The following ATP6V0A2 variants were observed in gnomAD, a reference collection of about 807,000 sequenced individuals.
The protein encoded by ATP6V0A2 is ATPase H+ transporting V0 subunit a2, also known as V-type proton ATPase 116 kDa subunit a 2.
Under a neutral mutation model 104.4 loss-of-function variants are expected in ATP6V0A2, and 58 were observed. That is an observed-to-expected ratio of 0.56 (90% CI 0.45 to 0.69). ATP6V0A2 has a LOEUF of 0.69. ATP6V0A2 is among the 30% of genes least tolerant of loss of function. ATP6V0A2 has a pLI of 0.00. For missense variants in ATP6V0A2, 938 were observed against 1,062.9 expected (o/e 0.88, Z 1.63); for synonymous variants, 376 against 397.9 (o/e 0.95, Z 0.65).
At chr12:123,756,776 TA>T in intron 18 of ATP6V0A2, 38 bp from the exon 19 acceptor site, 1 of 1,611,730 alleles carries the variant, frequency 6.2e-7, no homozygotes, top group Non-Finnish European at 8.5e-7. Context: ...CCACTGTACA[TA>T]AGCGAGCATG....
chr12:123,744,590 T>C lies in ATP6V0A2; in HGVS notation c.1327-7T>C. 3 of 1,612,660 alleles carry C rather than the reference T, an allele frequency of 1.9e-6. No homozygotes were observed. Among genetic ancestry groups the C allele is most frequent in the Non-Finnish European group, 2.5e-6 (3 of 1,180,022 alleles). On this transcript the variant is annotated splice_region_variant and splice_polypyrimidine_tract_variant and intron_variant, in intron 11 of 19. Coordinates refer to ENST00000330342, the MANE Select transcript of ATP6V0A2 (RefSeq NM_012463.4). This position sits in a 1 kb window ranked among gnomAD's most constrained non-coding sequence, Gnocchi z 5.4. ...ACCATATTCTGCCCCCGCCTTGCCCTTCACAGATCATGAGGATGTTTTTTA... is the reference window on the plus strand; with the variant it reads ...ACCATATTCTGCCCCCGCCTTGCCCCTCACAGATCATGAGGATGTTTTTTA...
At chr12:123,738,064 A>G (rs1395791765) in intron 9 of ATP6V0A2, among the ~76,000 whole-genome samples, 1 of 152,212 alleles carries the variant, frequency 6.6e-6, no homozygotes, top group East Asian at 1.9e-4. Flanking sequence ...GTTGTCAGCT[A>G]TTGTATTTCT....
chr12:123,752,315 GGAA>G lies in ATP6V0A2; in HGVS notation c.2093_2095del (p.Glu698del). 1 of 1,614,166 alleles carries G rather than the reference GGAA, an allele frequency of 6.2e-7. No homozygotes were observed. The highest frequency in any genetic ancestry group is 8.5e-7 in the Non-Finnish European group (1 of 1,180,022). On this transcript the variant is annotated inframe_deletion, in exon 17 of 20. Transcript: ENST00000330342. ...ACACACTTATAAGGAAAGATAGTGA[GGAA>G]GAAGTTTCATTGCTGGGAAGCCAAG...
intron 1 of ATP6V0A2, among the ~76,000 whole-genome samples, chr12:123,717,698 C>T (rs997219616): frequency 1.3e-5 from 2 of 152,178 alleles, no homozygotes; most frequent in Middle Eastern, 6.8e-3. Context: ...CCCACCTCAG[C>T]CTCCCAAATT....
At chr12:123,745,070 G>A (rs972978130) in intron 13 of ATP6V0A2, 98 bp downstream of exon 13, 6 of 1,196,544 alleles carry the variant, frequency 5.0e-6, no homozygotes, top group Admixed American at 1.8e-5. Context: ...CAGGGTTCAC[G>A]CTGCCCTGAG....
intron 3 of ATP6V0A2, chr12:123,724,338 A>G: frequency 3.5e-6 from 1 of 288,960 alleles, no homozygotes; most frequent in Non-Finnish European, 6.7e-6. Context: ...AGCCTGGCCA[A>G]CATGGTGAAA....
At chr12:123,714,766 A>G (rs774070985) in intron 1 of ATP6V0A2, among the ~76,000 whole-genome samples, 1 of 152,190 alleles carries the variant, frequency 6.6e-6, no homozygotes, top group Non-Finnish European at 1.5e-5. Context: ...AAATTTATAA[A>G]AGAAACCACA....
chr12:123,751,149 T>C lies in ATP6V0A2; in HGVS notation c.1975T>C (p.Ser659Pro), dbSNP rs1956710054. The change falls in exon 16 of 20, where the codon TCT (serine) becomes CCT (proline). Residue 659 changes from serine (S) to proline (P), a missense_variant. Ser to Pro is a moderately conservative substitution (Grantham distance 74). Transcript: ENST00000330342. Reference sequence around the variant, plus strand: ...AGTGCTGCTGGTTGTCACAGCATTGTCTGTCCCTGTCCTCTTCTTGGGAAA... The same window carrying C: ...AGTGCTGCTGGTTGTCACAGCATTGCCTGTCCCTGTCCTCTTCTTGGGAAA... ...QRVLLVVTALSVPVLFLGKPL... is the reference protein window; with the variant it reads ...QRVLLVVTALPVPVLFLGKPL... The C allele has an allele frequency of 6.2e-7, 1 of 1,614,178 alleles. No individual in the cohort carries two copies. The highest frequency in any genetic ancestry group is 8.5e-7 in the Non-Finnish European group (1 of 1,180,026).
rs763991801 is a variant in ATP6V0A2, at chr12:123,733,935, A to G, written c.658A>G (p.Ile220Val). 48 of 1,612,774 alleles carry G rather than the reference A, an allele frequency of 3.0e-5. No homozygotes were observed. The Middle Eastern group carries it at 6.6e-4, about 22-fold the overall frequency. ...TATTCATTCTTTGTAGGGGGAAGTC[A>G]TAAAATGGTATGTCTTTTTAATATC... is the stretch of plus-strand genomic sequence containing the variant. ...SLEDPETGEV[I>V]KWYVFLISFW... Residue 220 changes from isoleucine (I) to valine (V), a missense_variant, in exon 7 of 20, where the codon ATA (isoleucine) becomes GTA (valine). Ile to Val is a conservative substitution (Grantham distance 29). Transcript: ENST00000330342.
At chr12:123,751,720 C>T (rs1206500937) in intron 16 of ATP6V0A2, among the ~76,000 whole-genome samples, 1 of 152,134 alleles carries the variant, frequency 6.6e-6, no homozygotes, top group South Asian at 2.1e-4. Flanking sequence ...TGTGGAGACC[C>T]GCCCTGGTAT....
intron 6 of ATP6V0A2, chr12:123,733,578 A>G: frequency 3.1e-6 from 1 of 324,006 alleles, no homozygotes; most frequent in Non-Finnish European, 5.9e-6. Flanking sequence ...AAAAAAGCAC[A>G]GAAGTGTGAA....
At chr12:123,743,678 C>A (rs1283580442) in intron 9 of ATP6V0A2, 107 bp from the exon 10 acceptor site, 7 of 1,304,372 alleles carry the variant, frequency 5.4e-6, no homozygotes, top group African/African-American at 3.0e-5. Flanking sequence ...CAAAACAACA[C>A]CACCAAAAAA....
intron 9 of ATP6V0A2, among the ~76,000 whole-genome samples, chr12:123,738,394 CAAAAA>C (rs1054215012): frequency 1.6e-5 from 2 of 127,218 alleles, no homozygotes; most frequent in Non-Finnish European, 3.4e-5. Context: ...AACTTTGTCT[CAAAAA>C]AAAAAAAAAG....
At position 123,751,222 on chromosome 12, in the gene ATP6V0A2, T is replaced by C; in HGVS notation, c.2048T>C (p.Val683Ala). Residue 683 changes from valine to alanine, a missense_variant, in exon 16 of 20, where the codon GTG (valine) becomes GCG (alanine). Transcript: ENST00000330342. ...WLHNGRSCFG[V>A]NRSGYTLIRK... is the part of the protein sequence containing the mutation. The stretch of plus-strand genomic sequence containing the variant: ...CACAATGGGCGTAGTTGCTTCGGGG[T>C]GAACCGGGTAAGTGCGGGTTTGGAT... 6.2e-7 allele frequency: 1 copy of C among 1,614,178 alleles called. No homozygotes were observed. Among genetic ancestry groups the C allele is most frequent in the Non-Finnish European group, 8.5e-7 (1 of 1,180,042 alleles).
intron 1 of ATP6V0A2, among the ~76,000 whole-genome samples, chr12:123,717,112 T>G (rs1278455868): frequency 6.6e-6 from 1 of 151,742 alleles, no homozygotes; most frequent in Non-Finnish European, 1.5e-5. Context: ...GTCAGGAGTT[T>G]GAGACCAGCC....
chr12:123,752,146 C>T (rs1956721474), intron 16 of ATP6V0A2, 137 bp from the exon 17 acceptor site: 19 of 1,078,684 alleles, frequency 1.8e-5, no homozygotes, highest in Non-Finnish European at 2.6e-5. Context: ...AGGTGTGAGC[C>T]ACTGTGCCTA....
Position 123,757,990 on chromosome 12 carries a change from T to G in ATP6V0A2, c.2529T>G (p.Ser843Arg). ...CCAAATTTGTTCCTTTCTCATTCAG[T>G]CTACTTTCATCAAAGTTCAATAACG... ...AGTKFVPFSF[S>R]LLSSKFNNDD... is the part of the protein sequence containing the mutation. The change falls in exon 20 of 20, where the codon AGT (serine) becomes AGG (arginine). Residue 843 changes from serine (S) to arginine (R), a missense_variant. Coordinates refer to ENST00000330342, the MANE Select transcript of ATP6V0A2 (RefSeq NM_012463.4). The G allele has an allele frequency of 6.2e-7, 1 of 1,613,494 alleles. No individual in the cohort carries two copies. Among genetic ancestry groups the G allele is most frequent in the African/African-American group, 1.3e-5 (1 of 75,002 alleles).
chr12:123,737,337 G>GA (rs763034309), intron 9 of ATP6V0A2, 66 bp downstream of exon 9: 3 of 1,492,412 alleles, frequency 2.0e-6, no homozygotes, highest in African/African-American at 2.8e-5. Context: ...TAAATTCAGA[G>GA]AAAAAAAGGA....
chr12:123,751,471 A>T (rs1956713427), intron 16 of ATP6V0A2, among the ~76,000 whole-genome samples: 1 of 152,158 alleles, frequency 6.6e-6, no homozygotes, highest in Admixed American at 6.5e-5. Flanking sequence ...CCTGGGCAAC[A>T]TGGCGAAACC....
Sources: allele counts gnomAD v4.1 joint callset (sites outside exome capture counted in the v4.1 genomes callset), GRCh38; gene constraint gnomAD v4.1.1; non-coding constraint Gnocchi (gnomAD v3.1); transcripts MANE v1.5; gene names NCBI Gene and HGNC (gene_info 2026-07-23, HGNC 2026-07-21).